PDE10A: variants seen among roughly 807,000 people sequenced by gnomAD.
The protein encoded by PDE10A is cAMP and cAMP-inhibited cGMP 3',5'-cyclic phosphodiesterase 10A.
PDE10A carries 39 observed loss-of-function variants against 97.7 expected under a neutral mutation model. The observed-to-expected ratio is 0.40, with a 90% CI of 0.31 to 0.52. The LOEUF (loss-of-function observed/expected upper bound fraction) is 0.52, where lower values mean the gene tolerates loss of function less well. Ranked by LOEUF, PDE10A falls within the 20% of genes least tolerant of loss-of-function variation. The probability of loss-of-function intolerance (pLI) is 0.56; values close to 1 mark genes in which losing one functional copy is unlikely to be tolerated. For synonymous variants in PDE10A, 371 were observed against 376.8 expected (o/e 0.98, Z 0.18); for missense variants, 731 against 1,047.8 (o/e 0.70, Z 4.17).
At chr6:165,352,738 A>C (rs1782773637) in intron 18 of PDE10A, among the ~76,000 whole-genome samples, 1 of 152,202 alleles carries the variant, frequency 6.6e-6, no homozygotes, top group Non-Finnish European at 1.5e-5. Flanking sequence ...TATAAAACAC[A>C]AAACTGTAAC....
chr6:165,519,223 G>A (rs1291534756), intron 2 of PDE10A, among the ~76,000 whole-genome samples: 1 of 152,020 alleles, frequency 6.6e-6, no homozygotes, highest in Non-Finnish European at 1.5e-5. Context: ...TCAAACTTAC[G>A]ATATACGGCT....
At chr6:165,492,585 A>C (rs1315090570) in intron 2 of PDE10A, among the ~76,000 whole-genome samples, 1 of 152,208 alleles carries the variant, frequency 6.6e-6, no homozygotes, top group Admixed American at 6.5e-5. Context: ...ATCAAAAACA[A>C]AAATCACATG....
intron 1 of PDE10A, chr6:165,987,435 T>A (rs1026526370): frequency 3.1e-6 from 1 of 320,488 alleles, no homozygotes; most frequent in African/African-American, 2.2e-5. Context: ...GACAGGAAGT[T>A]TTTTTAAGTA....
At chr6:165,522,495 A>C (rs1424182022) in intron 2 of PDE10A, among the ~76,000 whole-genome samples, 1 of 152,078 alleles carries the variant, frequency 6.6e-6, no homozygotes, top group Non-Finnish European at 1.5e-5. Context: ...CACATAAAAG[A>C]CCACATAAAA....
intron 1 of PDE10A, among the ~76,000 whole-genome samples, chr6:165,790,666 G>A (rs1442885480): frequency 2.6e-5 from 4 of 151,944 alleles, no homozygotes; most frequent in Admixed American, 6.6e-5. Context: ...TTGAGACCCC[G>A]TCAGCCGTCT....
intron 1 of PDE10A, among the ~76,000 whole-genome samples, chr6:165,701,851 G>A (rs1791586847): frequency 6.6e-6 from 1 of 152,072 alleles, no homozygotes; most frequent in Admixed American, 6.6e-5. Flanking sequence ...GTGGGGGTTA[G>A]GGAAGGCTTC....
chr6:165,519,270 A>G (rs1192054479), intron 2 of PDE10A, among the ~76,000 whole-genome samples: 4 of 152,156 alleles, frequency 2.6e-5, no homozygotes, highest in Non-Finnish European at 5.9e-5. Flanking sequence ...AAACAGACCC[A>G]TGGTCTATGG....
At chr6:165,879,783 T>G (rs1781429333) in intron 1 of PDE10A, among the ~76,000 whole-genome samples, 1 of 152,238 alleles carries the variant, frequency 6.6e-6, no homozygotes, top group Admixed American at 6.5e-5. Context: ...ATGATTTTTT[T>G]GTCACAGTTT....
intron 1 of PDE10A, among the ~76,000 whole-genome samples, chr6:165,952,588 A>G (rs998444997): frequency 6.6e-6 from 1 of 152,262 alleles, no homozygotes; most frequent in African/African-American, 2.4e-5. Context: ...CTTTTAAGAA[A>G]TGGAGAAAAC....
chr6:165,525,241 A>G (rs956131241), intron 2 of PDE10A, among the ~76,000 whole-genome samples: 4 of 152,162 alleles, frequency 2.6e-5, no homozygotes, highest in Admixed American at 6.5e-5. Context: ...AGGCATGGGA[A>G]TGGATATTAA....
At chr6:165,901,527 G>A (rs980693674) in intron 1 of PDE10A, among the ~76,000 whole-genome samples, 21 of 152,200 alleles carry the variant, frequency 1.4e-4, no homozygotes, top group African/African-American at 4.8e-4. Flanking sequence ...GCATGGCCAG[G>A]CACGGTGGTT....
chr6:165,811,360 C>G (rs958259812), intron 1 of PDE10A, among the ~76,000 whole-genome samples: 5 of 152,244 alleles, frequency 3.3e-5, no homozygotes, highest in African/African-American at 1.2e-4. Context: ...CTTCATCAGT[C>G]CTCATGCAGG....
At chr6:165,692,946 G>A (rs1003287623) in intron 1 of PDE10A, among the ~76,000 whole-genome samples, 4 of 152,140 alleles carry the variant, frequency 2.6e-5, no homozygotes, top group Non-Finnish European at 5.9e-5. Context: ...ATCATTTTTA[G>A]ATTTTGCAGA....
intron 1 of PDE10A, among the ~76,000 whole-genome samples, chr6:165,729,192 A>G (rs983660382): frequency 9.0e-5 from 13 of 143,738 alleles, no homozygotes; most frequent in African/African-American, 3.0e-4. Flanking sequence ...ACAGAGGGAG[A>G]CTCCATCTCA....
chr6:165,862,767 C>T (rs1409147821), intron 1 of PDE10A, among the ~76,000 whole-genome samples: 2 of 151,678 alleles, frequency 1.3e-5, no homozygotes, highest in Non-Finnish European at 2.9e-5. Flanking sequence ...CAACCTCCTC[C>T]TCCCAGGTTC....
intron 1 of PDE10A, among the ~76,000 whole-genome samples, chr6:165,593,629 C>T (rs1271454422): frequency 6.6e-6 from 1 of 152,122 alleles, no homozygotes; most frequent in African/African-American, 2.4e-5. Context: ...TGAGACATTA[C>T]ATTAGTTACA....
chr6:165,474,651 G>T (rs544867203), intron 3 of PDE10A, among the ~76,000 whole-genome samples: 1 of 151,754 alleles, frequency 6.6e-6, no homozygotes, highest in Non-Finnish European at 1.5e-5. Context: ...ATGCACCCTC[G>T]GTCCTAAAAT....
chr6:165,624,759 G>A (rs1255156867), intron 1 of PDE10A, among the ~76,000 whole-genome samples: 2 of 152,200 alleles, frequency 1.3e-5, no homozygotes, highest in Non-Finnish European at 2.9e-5. Context: ...CCTTCAACAT[G>A]CTTATAGACA....
rs572594261 is a variant in PDE10A at position 165,865,034 on chromosome 6, T to A, written c.-615+122495A>T. Among the ~76,000 whole-genome samples, 25 of 152,338 alleles carry A rather than the reference T, an allele frequency of 1.6e-4. 1 individual carries two copies. The highest frequency in any genetic ancestry group is 1.4e-3 in the Admixed American group (21 of 15,302). On this transcript the variant is annotated intron_variant, in intron 1 of 19. Coordinates refer to the PDE10A transcript ENST00000366882. Reference sequence around the variant, plus strand: ...TTAAAATGTATGCTTTACCACCACCTGGAAGCTCAAGAACCAGACTGCTCA... The same window carrying A: ...TTAAAATGTATGCTTTACCACCACCAGGAAGCTCAAGAACCAGACTGCTCA...
Sources: gnomAD v4.1 joint callset for allele counts (sites outside exome capture counted in the v4.1 genomes callset) on GRCh38, gnomAD v4.1.1 for gene constraint, MANE v1.5 for transcripts, NCBI Gene and HGNC (gene_info 2026-07-23, HGNC 2026-07-21) for gene names.